RAP1B: variants seen among roughly 807,000 people sequenced by gnomAD.
RAP1B encodes the protein RAP1B, member of RAS oncogene family.
Under a neutral mutation model 27.5 loss-of-function variants are expected in RAP1B, and 1 was observed. That is an observed-to-expected ratio of 0.04 (90% CI 0.01 to 0.17). RAP1B has a LOEUF of 0.17. Among genes scored for constraint, RAP1B ranks in the 10% least tolerant of loss-of-function variants. The pLI, the probability that RAP1B is intolerant of heterozygous loss-of-function variation, is 1.00. For missense variants in RAP1B, 84 were observed against 214.8 expected (o/e 0.39, Z 3.81); for synonymous variants, 75 against 73.1 (o/e 1.03, Z -0.13).
chr12:68,654,350 T>TTGG, intron 5 of RAP1B, 98 bp downstream of exon 5: 2 of 152,394 alleles, frequency 1.3e-5, no homozygotes. Flanking sequence ...TGTATTTTGG[T>TTGG]TGGGGGGGGG....
In RAP1B at chr12:68,628,600, A is replaced by G. The variant is rs557826882; in HGVS notation, c.-27+17557A>G. ...AATGAGTGGTATCCTTGTGAGAGAAAAGTACAAGAATGAGACTGGGGCAAA... is the reference window on the plus strand; with the variant it reads ...AATGAGTGGTATCCTTGTGAGAGAAGAGTACAAGAATGAGACTGGGGCAAA... On this transcript the variant is annotated intron_variant, in intron 1 of 7. Transcript: ENST00000250559. Among the ~76,000 whole-genome samples, 4 of 152,208 alleles carry G rather than the reference A, an allele frequency of 2.6e-5. No individual in the cohort carries two copies. The East Asian group carries it at 7.7e-4, about 29-fold the overall frequency.
chr12:68,615,193 A>G (rs570579267), intron 1 of RAP1B, among the ~76,000 whole-genome samples: 2 of 152,324 alleles, frequency 1.3e-5, no homozygotes, highest in Admixed American at 6.5e-5. Flanking sequence ...GCAACTGATT[A>G]TTTAAGCAGT....
chr12:68,650,893 A>C (rs1380822898), intron 3 of RAP1B: 1 of 152,454 alleles, frequency 6.6e-6, no homozygotes, highest in African/African-American at 2.4e-5. Flanking sequence ...TATCTGAAAT[A>C]ACTGGGACCA....
chr12:68,610,995 G>A lies in RAP1B; in HGVS notation c.-75G>A, dbSNP rs1394653693. On this transcript the variant is annotated 5_prime_UTR_variant, in exon 1 of 8. Transcript: ENST00000250559. ...GTGGCGCCTAGAGTAGCGACCCGGGGGGAGCGCGGGGCGACGCTGGCTGCA... is the reference window on the plus strand; with the variant it reads ...GTGGCGCCTAGAGTAGCGACCCGGGAGGAGCGCGGGGCGACGCTGGCTGCA... 2 of 325,014 alleles carry A rather than the reference G, an allele frequency of 6.2e-6. No individual in the cohort carries two copies. The highest frequency in any genetic ancestry group is 5.0e-5 in the Admixed American group (1 of 20,044). The allele number at this position is 325,014 out of a possible 1,614,324, so 20.1% of individuals were successfully genotyped here.
intron 4 of RAP1B, among the ~76,000 whole-genome samples, chr12:68,652,503 G>C (rs752784610): frequency 3.9e-5 from 6 of 152,030 alleles, no homozygotes; most frequent in Non-Finnish European, 7.4e-5. Context: ...TCTTTTTGTT[G>C]TTGTTCCGTT....
chr12:68,665,413 G>A lies in RAP1B; in HGVS notation c.*6164G>A, dbSNP rs1684758431. ...TGACATTGGAGGCAACTGAAACCAT[G>A]AGTGTGAATGAAATTATTTTCGTAA... On this transcript the variant is annotated 3_prime_UTR_variant, in exon 8 of 8. Transcript: ENST00000250559. The A allele has an allele frequency of 6.6e-6, 1 of 152,208 alleles. No individual in the cohort carries two copies. The allele number at this position is 152,208 out of a possible 1,614,324, so 9.4% of individuals were successfully genotyped here. A position where few individuals can be genotyped will look rare whatever the true frequency, so the allele number is the denominator to read the frequency against.
chr12:68,639,749 T>C (rs1233869755), intron 1 of RAP1B, among the ~76,000 whole-genome samples: 2 of 152,290 alleles, frequency 1.3e-5, no homozygotes, highest in South Asian at 4.1e-4. Context: ...GAAATCCCAT[T>C]TATGCCCCTT....
intron 4 of RAP1B, among the ~76,000 whole-genome samples, chr12:68,653,667 G>A (rs946868363): frequency 2.0e-5 from 3 of 151,950 alleles, no homozygotes; most frequent in African/African-American, 7.3e-5. Flanking sequence ...GGTAGTTCAC[G>A]CCTGTAATCC....
In RAP1B at chr12:68,627,061, G is replaced by T; in HGVS notation, c.-27+16018G>T. 4 of 1,593,900 alleles carry T rather than the reference G, an allele frequency of 2.5e-6. No individual in the cohort carries two copies. In the South Asian group the frequency reaches 4.4e-5, roughly 18 times the overall value. ...GAAAACTTGAACTTGGCCCTGCGCA[G>T]GGCCTCAATCACATGCTCCTTGTTC... On this transcript the variant is annotated intron_variant, in intron 1 of 7. Transcript: ENST00000250559.
chr12:68,664,176 T>C lies in RAP1B; in HGVS notation c.*4927T>C, dbSNP rs1874748552. 6.6e-6 allele frequency: 1 copy of C among 152,144 alleles called. No individual in the cohort carries two copies. The highest frequency in any genetic ancestry group is 6.5e-5 in the Admixed American group (1 of 15,272). The allele number at this position is 152,144 out of a possible 1,614,324, so 9.4% of individuals were successfully genotyped here. ...AACAGCACACACATATATTACAGGA[T>C]TTTTATGTAATAATATATTCACTTC... On this transcript the variant is annotated 3_prime_UTR_variant, in exon 8 of 8. Coordinates refer to ENST00000250559, the MANE Select transcript of RAP1B (RefSeq NM_001010942.3).
intron 1 of RAP1B, among the ~76,000 whole-genome samples, chr12:68,627,782 G>A (rs1351256213): frequency 6.6e-6 from 1 of 152,082 alleles, no homozygotes; most frequent in Admixed American, 6.5e-5. Flanking sequence ...CCTAAGTTTT[G>A]GTAGATAGCC....
intron 1 of RAP1B, among the ~76,000 whole-genome samples, chr12:68,620,144 CTT>C: frequency 6.8e-6 from 1 of 147,554 alleles, no homozygotes; most frequent in Non-Finnish European, 1.5e-5. Context: ...TAGAATGATC[CTT>C]TTTTTACCTT....
In RAP1B at chr12:68,661,041, T is replaced by C. The variant is rs1874568784; in HGVS notation, c.*1792T>C. 1 of 152,186 alleles carries C rather than the reference T, an allele frequency of 6.6e-6. No homozygotes were observed. Among genetic ancestry groups the C allele is most frequent in the Non-Finnish European group, 1.5e-5 (1 of 68,018 alleles). 9.4% of individuals were successfully genotyped at this position (152,186 alleles called of 1,614,324 possible). A position where few individuals can be genotyped will look rare whatever the true frequency, so the allele number is the denominator to read the frequency against. ...TAAAACTTTTTAAAAATTGTAAAGC[T>C]CTTAAAAAACTTTTTGAAAGTATTT... is the stretch of plus-strand genomic sequence containing the variant. On this transcript the variant is annotated 3_prime_UTR_variant, in exon 8 of 8. Coordinates refer to ENST00000250559, the MANE Select transcript of RAP1B (RefSeq NM_001010942.3).
In RAP1B at chr12:68,642,814, G is replaced by A. The variant is rs116402277; in HGVS notation, c.-26-5885G>A. The stretch of plus-strand genomic sequence containing the variant: ...CATCCACCAAACCGGCCTTGGCCAC[G>A]TTGGCCTTGTAGTAAGCCCAGTCGA... On this transcript the variant is annotated intron_variant, in intron 1 of 7. Transcript: ENST00000250559. The A allele has an allele frequency of 2.3e-3, 2,340 of 1,018,576 alleles. 45 individuals are homozygous for A. The African/African-American group carries it at 0.031, about 14-fold the overall frequency. The allele number at this position is 1,018,576 out of a possible 1,614,324, so 63.1% of individuals were successfully genotyped here. A position where few individuals can be genotyped will look rare whatever the true frequency, so the allele number is the denominator to read the frequency against.
At chr12:68,624,025 A>G (rs984110771) in intron 1 of RAP1B, among the ~76,000 whole-genome samples, 74 of 135,646 alleles carry the variant, frequency 5.5e-4, no homozygotes, top group Middle Eastern at 4.0e-3. Context: ...TATCTCAGGG[A>G]AAAAAAAAAA....
At chr12:68,644,383 C>T (rs1280810042) in intron 1 of RAP1B, among the ~76,000 whole-genome samples, 1 of 151,918 alleles carries the variant, frequency 6.6e-6, no homozygotes, top group East Asian at 1.9e-4. Context: ...GAGATTGAGA[C>T]CAATCTGGCT....
intron 1 of RAP1B, among the ~76,000 whole-genome samples, chr12:68,632,141 TTTTTGTTTG>T (rs1266986464): frequency 3.2e-4 from 43 of 135,262 alleles, no homozygotes; most frequent in African/African-American, 1.1e-3. Context: ...TTTTTTTTTT[TTTTTGTTTG>T]TTTTTTTTTT....
intron 3 of RAP1B, 75 bp from the exon 4 acceptor site, chr12:68,651,920 T>C (rs1873840649): frequency 1.8e-6 from 2 of 1,131,350 alleles, no homozygotes; most frequent in East Asian, 4.8e-5. Context: ...TTTTGATACA[T>C]TAGCTTTTTT....
intron 1 of RAP1B, among the ~76,000 whole-genome samples, chr12:68,643,923 T>A (rs1873207598): frequency 6.6e-6 from 1 of 152,142 alleles, no homozygotes; most frequent in Non-Finnish European, 1.5e-5. Context: ...CACCTTGTCA[T>A]GTATTTTTTT....
Sources: gnomAD v4.1 joint callset for allele counts (sites outside exome capture counted in the v4.1 genomes callset) on GRCh38, gnomAD v4.1.1 for gene constraint, MANE v1.5 for transcripts, NCBI Gene and HGNC (gene_info 2026-07-23, HGNC 2026-07-21) for gene names.